Variants in KCNIP4 observed in about 807,000 individuals in gnomAD.
KCNIP4 encodes the protein potassium voltage-gated channel interacting protein 4.
Under a neutral mutation model 34.0 loss-of-function variants are expected in KCNIP4, and 12 were observed. The ratio of observed to expected loss-of-function variants is 0.35; its 90% confidence interval spans 0.23 to 0.57. The LOEUF is 0.57. Ranked by LOEUF, KCNIP4 falls within the 20% of genes least tolerant of loss-of-function variation. The pLI is 0.83. For missense variants in KCNIP4, 238 were observed against 311.7 expected (o/e 0.76, Z 1.78); for synonymous variants, 124 against 102.2 (o/e 1.21, Z -1.29).
intron 1 of KCNIP4, among the ~76,000 whole-genome samples, chr4:21,618,202 G>T (rs1293739288): frequency 6.6e-6 from 1 of 151,996 alleles, no homozygotes; most frequent in Non-Finnish European, 1.5e-5. Flanking sequence ...TCCTAGTCTG[G>T]GTAGGTAATT....
chr4:21,307,972 T>C (rs1287199588), intron 1 of KCNIP4, among the ~76,000 whole-genome samples: 2 of 152,348 alleles, frequency 1.3e-5, no homozygotes, highest in African/African-American at 4.8e-5. Flanking sequence ...GGATGATAAG[T>C]ACCTTGGATA....
intron 1 of KCNIP4, among the ~76,000 whole-genome samples, chr4:21,563,005 T>A (rs1441841226): frequency 6.6e-6 from 1 of 152,080 alleles, no homozygotes; most frequent in Non-Finnish European, 1.5e-5. Context: ...TAATTTCTCA[T>A]TAATGTCAGT....
At chr4:21,603,814 T>G (rs941605364) in intron 1 of KCNIP4, among the ~76,000 whole-genome samples, 1 of 152,118 alleles carries the variant, frequency 6.6e-6, no homozygotes, top group African/African-American at 2.4e-5. Flanking sequence ...AACTATAATA[T>G]CTGAAATTAT....
chr4:21,311,594 C>T (rs541846337), intron 1 of KCNIP4, among the ~76,000 whole-genome samples: 45 of 151,874 alleles, frequency 3.0e-4, no homozygotes, highest in East Asian at 9.8e-4. Flanking sequence ...GAGGCTGAGG[C>T]GGGAGAATCG....
chr4:21,103,279 T>C (rs920539771), intron 1 of KCNIP4, among the ~76,000 whole-genome samples: 12 of 147,772 alleles, frequency 8.1e-5, no homozygotes, highest in Non-Finnish European at 1.6e-4. Flanking sequence ...TTTTTCATGA[T>C]AATTACATGA....
At chr4:21,486,527 T>C (rs1437760114) in intron 1 of KCNIP4, among the ~76,000 whole-genome samples, 3 of 152,208 alleles carry the variant, frequency 2.0e-5, no homozygotes, top group Non-Finnish European at 2.9e-5. Context: ...TGAGTTTTGC[T>C]CATATTTGCA....
intron 1 of KCNIP4, among the ~76,000 whole-genome samples, chr4:21,666,280 T>A (rs1213161172): frequency 6.6e-6 from 1 of 152,232 alleles, no homozygotes; most frequent in Non-Finnish European, 1.5e-5. Context: ...ACTTTGTACA[T>A]AACCGTTGTT....
At chr4:21,677,057 A>T (rs2109017925) in intron 1 of KCNIP4, among the ~76,000 whole-genome samples, 1 of 152,090 alleles carries the variant, frequency 6.6e-6, no homozygotes, top group African/African-American at 2.4e-5. Context: ...CCTTAAGATC[A>T]GAGATATAGA....
At chr4:20,775,065 G>A (rs1055888578) in intron 3 of KCNIP4, among the ~76,000 whole-genome samples, 1 of 152,018 alleles carries the variant, frequency 6.6e-6, no homozygotes, top group Non-Finnish European at 1.5e-5. Flanking sequence ...TATTCAATAC[G>A]TAATTATTTA....
intron 1 of KCNIP4, among the ~76,000 whole-genome samples, chr4:21,043,021 G>T (rs1460494649): frequency 6.6e-6 from 1 of 152,198 alleles, no homozygotes; most frequent in African/African-American, 2.4e-5. Flanking sequence ...ATTGCCAAGT[G>T]CTTTGAAGGC....
chr4:21,714,225 C>A (rs115060875), intron 1 of KCNIP4, among the ~76,000 whole-genome samples: 1 of 152,148 alleles, frequency 6.6e-6, no homozygotes, highest in Non-Finnish European at 1.5e-5. Context: ...GCTGTATTTT[C>A]AAAGGCTCCT....
At chr4:21,072,826 G>A (rs12502527) in intron 1 of KCNIP4, among the ~76,000 whole-genome samples, 36,077 of 152,052 alleles carry the variant, frequency 0.24, 4,330 homozygotes, top group Middle Eastern at 0.31. Context: ...TTTCATATAA[G>A]GTGTAAGGAA....
At chr4:21,742,580 T>C (rs1212096157) in intron 1 of KCNIP4, among the ~76,000 whole-genome samples, 2 of 152,196 alleles carry the variant, frequency 1.3e-5, no homozygotes, top group South Asian at 2.1e-4. Flanking sequence ...AATGAAAAGA[T>C]GGAGTTACTA....
At chr4:21,801,988 G>A (rs1721030352) in intron 1 of KCNIP4, among the ~76,000 whole-genome samples, 1 of 151,794 alleles carries the variant, frequency 6.6e-6, no homozygotes, top group Admixed American at 6.6e-5. Flanking sequence ...ATTTTAGGTG[G>A]GGTGCATAGG....
At chr4:21,501,244 TCTCTCA>T (rs141786273) in intron 1 of KCNIP4, among the ~76,000 whole-genome samples, 28,128 of 141,462 alleles carry the variant, frequency 0.2, 2,810 homozygotes, top group South Asian at 0.27. Flanking sequence ...TCTCTCTCTC[TCTCTCA>T]CACACACACA....
chr4:20,967,025 T>A (rs1734419121), intron 1 of KCNIP4, among the ~76,000 whole-genome samples: 2 of 152,174 alleles, frequency 1.3e-5, no homozygotes, highest in South Asian at 4.1e-4. Context: ...CTGTGTATCT[T>A]CAAAGCTCAG....
intron 1 of KCNIP4, among the ~76,000 whole-genome samples, chr4:21,937,568 T>C (rs1017095377): frequency 6.6e-6 from 1 of 152,114 alleles, no homozygotes; most frequent in Non-Finnish European, 1.5e-5. Flanking sequence ...TTCCAACCCA[T>C]ATGGCCCAAT....
At chr4:20,797,913 T>C (rs1462965151) in intron 3 of KCNIP4, among the ~76,000 whole-genome samples, 5 of 152,220 alleles carry the variant, frequency 3.3e-5, no homozygotes, top group Admixed American at 2.0e-4. Context: ...CTTTGGAAGA[T>C]AACACAGTGA....
intron 1 of KCNIP4, among the ~76,000 whole-genome samples, chr4:21,891,730 A>C (rs564373916): frequency 6.6e-6 from 1 of 152,232 alleles, no homozygotes; most frequent in Non-Finnish European, 1.5e-5. Flanking sequence ...ATAAGAGAAA[A>C]CCATTTGCTG....
Sources: gnomAD v4.1 joint callset for allele counts (sites outside exome capture counted in the v4.1 genomes callset) on GRCh38, gnomAD v4.1.1 for gene constraint, MANE v1.5 for transcripts, NCBI Gene and HGNC (gene_info 2026-07-23, HGNC 2026-07-21) for gene names.